LPAR1: variants seen among roughly 807,000 people sequenced by gnomAD.
The protein encoded by LPAR1 is LPA receptor 1.
In LPAR1, 5 loss-of-function variants were observed where a neutral mutation model predicts 23.8. That is an observed-to-expected ratio of 0.21 (90% CI 0.11 to 0.44). The LOEUF (loss-of-function observed/expected upper bound fraction) is 0.44, where lower values mean the gene tolerates loss of function less well. LPAR1 is among the 20% of genes least tolerant of loss of function. The pLI is 0.99. For synonymous variants in LPAR1, 160 were observed against 164.7 expected (o/e 0.97, Z 0.22); for missense variants, 311 against 482.8 (o/e 0.64, Z 3.33).
intron 2 of LPAR1, among the ~76,000 whole-genome samples, chr9:111,034,861 G>A (rs1346960910): frequency 2.0e-5 from 3 of 151,990 alleles, no homozygotes; most frequent in Non-Finnish European, 2.9e-5. Context: ...TAACTTTCCA[G>A]CCTTCATCAC....
chr9:111,023,496 G>C (rs927709436), intron 2 of LPAR1, among the ~76,000 whole-genome samples: 1 of 151,892 alleles, frequency 6.6e-6, no homozygotes, highest in African/African-American at 2.4e-5. Flanking sequence ...TTATCATGCA[G>C]AGTATTTATA....
chr9:110,878,120 A>G (rs1469213676), intron 5 of LPAR1, among the ~76,000 whole-genome samples: 2 of 152,124 alleles, frequency 1.3e-5, no homozygotes, highest in Non-Finnish European at 2.9e-5. Flanking sequence ...TCTTCACTGA[A>G]AGGAACTGGT....
chr9:110,960,872 G>A (rs1174273592), intron 4 of LPAR1, among the ~76,000 whole-genome samples: 1 of 152,168 alleles, frequency 6.6e-6, no homozygotes, highest in East Asian at 1.9e-4. Flanking sequence ...CTAAAATGCA[G>A]CCTTACTTGA....
At position 110,941,467 on chromosome 9, in the gene LPAR1, A is replaced by G; in HGVS notation, c.747T>C (p.Asn249=). ...MSRHSSGPRR[N]RDTMMSLLKT... Reference sequence around the variant, plus strand: ...TCAGAAGACTCATCATGGTATCCCGATTCCGCCGGGGTCCAGAACTATGCC... The same window carrying G: ...TCAGAAGACTCATCATGGTATCCCGGTTCCGCCGGGGTCCAGAACTATGCC... The change falls in exon 5 of 6, where the codon AAT becomes AAC. Residue 249 remains asparagine, a synonymous_variant. Coordinates refer to ENST00000683809, the MANE Select transcript of LPAR1 (RefSeq NM_001351411.2). This position sits in a 1 kb window ranked among gnomAD's most constrained non-coding sequence, Gnocchi z 6.1. 1 of 1,614,084 alleles carries G rather than the reference A, an allele frequency of 6.2e-7. No homozygotes were observed. Among genetic ancestry groups the G allele is most frequent in the Non-Finnish European group, 8.5e-7 (1 of 1,179,986 alleles).
chr9:110,979,288 A>C (rs2096620973), intron 2 of LPAR1, among the ~76,000 whole-genome samples: 1 of 152,066 alleles, frequency 6.6e-6, no homozygotes, highest in Admixed American at 6.6e-5. Context: ...GAATGTGCCC[A>C]AAATGTAGAG....
intron 2 of LPAR1, among the ~76,000 whole-genome samples, chr9:110,988,857 A>C (rs1166480047): frequency 6.6e-6 from 1 of 152,180 alleles, no homozygotes; most frequent in Non-Finnish European, 1.5e-5. Context: ...AGCATTACAG[A>C]ATCATCAAAA....
At chr9:111,011,020 C>T (rs962289130) in intron 2 of LPAR1, among the ~76,000 whole-genome samples, 3 of 152,140 alleles carry the variant, frequency 2.0e-5, no homozygotes, top group Non-Finnish European at 2.9e-5. Context: ...CAAGAGAATG[C>T]CTCACTTTTA....
At chr9:110,992,539 T>A (rs1483134665) in intron 2 of LPAR1, among the ~76,000 whole-genome samples, 1 of 152,208 alleles carries the variant, frequency 6.6e-6, no homozygotes, top group East Asian at 1.9e-4. Context: ...TGAGCACAAA[T>A]GCTTCTAGTA....
chr9:110,903,918 T>C (rs2133981682), intron 5 of LPAR1, among the ~76,000 whole-genome samples: 1 of 131,310 alleles, frequency 7.6e-6, no homozygotes, highest in South Asian at 2.4e-4. Flanking sequence ...TTGAAAGCAC[T>C]GAGAGAGCAA....
chr9:111,012,639 AAT>A (rs947564649), intron 2 of LPAR1, among the ~76,000 whole-genome samples: 7 of 152,082 alleles, frequency 4.6e-5, no homozygotes, highest in African/African-American at 1.7e-4. Flanking sequence ...AGAAGAAAAC[AAT>A]ATCTGGGATG....
At chr9:110,975,520 A>C (rs1321915833) in intron 2 of LPAR1, among the ~76,000 whole-genome samples, 2 of 152,208 alleles carry the variant, frequency 1.3e-5, no homozygotes, top group East Asian at 1.9e-4. Flanking sequence ...CTGAGGTCTG[A>C]ACCAGGGCCT....
chr9:110,879,417 C>CAAAAAAA (rs71371692), intron 5 of LPAR1, among the ~76,000 whole-genome samples: 8 of 47,178 alleles, frequency 1.7e-4, no homozygotes, highest in East Asian at 1.7e-3. Context: ...GACTCCATCT[C>CAAAAAAA]AAAAAAAAAA....
intron 5 of LPAR1, among the ~76,000 whole-genome samples, chr9:110,938,821 C>G (rs2094900336): frequency 6.6e-6 from 1 of 152,094 alleles, no homozygotes; most frequent in South Asian, 2.1e-4. Context: ...CTACAATGAG[C>G]CAAGATCATG....
chr9:110,926,227 G>A (rs767863217), intron 5 of LPAR1, among the ~76,000 whole-genome samples: 13 of 152,270 alleles, frequency 8.5e-5, no homozygotes, highest in East Asian at 1.9e-4. Context: ...GCCCAGAACT[G>A]GGTTTTTGCA....
At chr9:111,023,934 A>G (rs2097623445) in intron 2 of LPAR1, among the ~76,000 whole-genome samples, 1 of 152,224 alleles carries the variant, frequency 6.6e-6, no homozygotes, top group Admixed American at 6.5e-5. Flanking sequence ...ACTGAACTAA[A>G]TGTCCCAATA....
intron 2 of LPAR1, among the ~76,000 whole-genome samples, chr9:111,020,290 G>A (rs1053047461): frequency 7.9e-5 from 12 of 152,186 alleles, no homozygotes; most frequent in African/African-American, 2.7e-4. Flanking sequence ...TGCTCCTAGA[G>A]AAATAGTATT....
intron 5 of LPAR1, among the ~76,000 whole-genome samples, chr9:110,925,535 C>T (rs2093952559): frequency 6.6e-6 from 1 of 152,080 alleles, no homozygotes; most frequent in African/African-American, 2.4e-5. Flanking sequence ...TACAAACTAA[C>T]GAGTGGAATC....
rs148907165 is a variant in LPAR1 at position 110,926,027 on chromosome 9, T to G, written c.793+15394A>C. 4.8e-3 allele frequency among the ~76,000 whole-genome samples: 726 copies of G among 152,294 alleles called. 12 individuals carry two copies. Among genetic ancestry groups the G allele is most frequent in the African/African-American group, 0.017 (695 of 41,560 alleles). ...GCTCTGCCTCCCGGGTTCGCGCCAT[T>G]CTCCTGCCTCAGTCTCCTGAGTAGC... On this transcript the variant is annotated intron_variant, in intron 5 of 5. Transcript: ENST00000683809.
At chr9:111,009,268 T>C (rs569403694) in intron 2 of LPAR1, among the ~76,000 whole-genome samples, 1 of 152,108 alleles carries the variant, frequency 6.6e-6, no homozygotes, top group South Asian at 2.1e-4. Context: ...GCTGATTAAG[T>C]GCAACTGAAG....
Sources: allele counts gnomAD v4.1 joint callset (sites outside exome capture counted in the v4.1 genomes callset), GRCh38; gene constraint gnomAD v4.1.1; non-coding constraint Gnocchi (gnomAD v3.1); transcripts MANE v1.5; gene names NCBI Gene and HGNC (gene_info 2026-07-23, HGNC 2026-07-21).